The following ZCCHC7 variants were observed in gnomAD, a reference collection of about 807,000 sequenced individuals.
The protein encoded by ZCCHC7 is zinc finger CCHC domain-containing protein 7.
ZCCHC7 carries 35 observed loss-of-function variants against 52.0 expected under a neutral mutation model. The observed-to-expected ratio is 0.67, with a 90% CI of 0.51 to 0.89. The LOEUF (loss-of-function observed/expected upper bound fraction) is 0.89, where lower values mean the gene tolerates loss of function less well. Ranked by LOEUF, ZCCHC7 falls within the 40% of genes least tolerant of loss-of-function variation. ZCCHC7 has a pLI of 0.00. For synonymous variants in ZCCHC7, 217 were observed against 221.5 expected (o/e 0.98, Z 0.18); for missense variants, 574 against 649.1 (o/e 0.88, Z 1.26).
At chr9:37,184,104 C>G (rs1822516559) in intron 2 of ZCCHC7, among the ~76,000 whole-genome samples, 1 of 152,120 alleles carries the variant, frequency 6.6e-6, no homozygotes, top group Non-Finnish European at 1.5e-5. Context: ...TCAACAGTAT[C>G]TATTATGCTG....
intron 2 of ZCCHC7, among the ~76,000 whole-genome samples, chr9:37,212,524 T>C (rs1268848386): frequency 6.6e-6 from 1 of 152,180 alleles, no homozygotes; most frequent in Non-Finnish European, 1.5e-5. Context: ...TTCTCTTTCT[T>C]TTCTTTTTAG....
At chr9:37,203,563 T>C (rs1368779760) in intron 2 of ZCCHC7, among the ~76,000 whole-genome samples, 1 of 152,204 alleles carries the variant, frequency 6.6e-6, no homozygotes, top group Non-Finnish European at 1.5e-5. Flanking sequence ...GTGTTTGGTT[T>C]TCTGTGTTCC....
At chr9:37,290,886 A>C in intron 2 of ZCCHC7, among the ~76,000 whole-genome samples, 1 of 152,320 alleles carries the variant, frequency 6.6e-6, no homozygotes, top group East Asian at 1.9e-4. Context: ...TTACTTATTC[A>C]TTATTTCCAG....
At chr9:37,241,085 C>T (rs954773109) in intron 2 of ZCCHC7, among the ~76,000 whole-genome samples, 1 of 151,744 alleles carries the variant, frequency 6.6e-6, no homozygotes, top group South Asian at 2.1e-4. Context: ...TTGATATACA[C>T]AATAAGTGTG....
intron 2 of ZCCHC7, among the ~76,000 whole-genome samples, chr9:37,249,892 T>TG (rs1826244423): frequency 6.6e-6 from 1 of 152,160 alleles, no homozygotes; most frequent in Non-Finnish European, 1.5e-5. Context: ...ATGGTCCTTC[T>TG]GGGTTTGCCA....
intron 5 of ZCCHC7, among the ~76,000 whole-genome samples, chr9:37,323,503 C>T (rs754339584): frequency 5.9e-5 from 9 of 152,058 alleles, no homozygotes; most frequent in Non-Finnish European, 1.3e-4. Context: ...AGTTAAAGAC[C>T]AATGCATGGC....
At chr9:37,158,662 CT>C (rs561879667) in intron 2 of ZCCHC7, among the ~76,000 whole-genome samples, 125 of 147,890 alleles carry the variant, frequency 8.5e-4, no homozygotes, top group African/African-American at 2.6e-3. Flanking sequence ...GGTGGATTGA[CT>C]TTTTTTTTTA....
chr9:37,225,707 A>G (rs1429546626), intron 2 of ZCCHC7, among the ~76,000 whole-genome samples: 1 of 152,260 alleles, frequency 6.6e-6, no homozygotes, highest in Non-Finnish European at 1.5e-5. Context: ...ATAGATGCAG[A>G]TAAAGCATTT....
chr9:37,214,266 G>A (rs937070279), intron 2 of ZCCHC7, among the ~76,000 whole-genome samples: 1 of 152,000 alleles, frequency 6.6e-6, no homozygotes, highest in Non-Finnish European at 1.5e-5. Context: ...GAGCCATGCT[G>A]CATTAAGTTA....
At position 37,341,176 on chromosome 9, in the gene ZCCHC7, T is replaced by A. The variant is rs888632704; in HGVS notation, c.988-8181T>A. On this transcript the variant is annotated intron_variant, in intron 6 of 8. Coordinates refer to ENST00000336755, the MANE Select transcript of ZCCHC7 (RefSeq NM_032226.3). ...CTTGGCATTACTAATTCCTTCCTGATTTTGTCAGAGTATATACCACATTCT... is the reference window on the plus strand; with the variant it reads ...CTTGGCATTACTAATTCCTTCCTGAATTTGTCAGAGTATATACCACATTCT... Among the ~76,000 whole-genome samples the A allele has an allele frequency of 2.6e-5, 4 of 152,304 alleles. No homozygotes were observed. The East Asian group carries it at 7.7e-4, about 29-fold the overall frequency.
chr9:37,264,357 CT>C (rs1827001722), intron 2 of ZCCHC7, among the ~76,000 whole-genome samples: 1 of 152,252 alleles, frequency 6.6e-6, no homozygotes, highest in African/African-American at 2.4e-5. Flanking sequence ...ATTACAGTGT[CT>C]GTTAAACCAG....
At chr9:37,192,369 T>C (rs978329125) in intron 2 of ZCCHC7, among the ~76,000 whole-genome samples, 5 of 152,228 alleles carry the variant, frequency 3.3e-5, no homozygotes, top group Admixed American at 6.5e-5. Context: ...CATATTGAAT[T>C]ATTTCAGTAT....
intron 2 of ZCCHC7, among the ~76,000 whole-genome samples, chr9:37,212,659 G>A (rs1250538387): frequency 1.3e-5 from 2 of 152,146 alleles, no homozygotes; most frequent in Admixed American, 6.5e-5. Context: ...AGTCCCCATC[G>A]AACAGATCGT....
chr9:37,159,067 A>G (rs541860290), intron 2 of ZCCHC7, among the ~76,000 whole-genome samples: 35 of 152,322 alleles, frequency 2.3e-4, no homozygotes, highest in African/African-American at 8.4e-4. Context: ...TAAAGTTTAG[A>G]GATAAAAGTT....
At chr9:37,300,775 CT>C (rs1323452116) in intron 2 of ZCCHC7, among the ~76,000 whole-genome samples, 13 of 152,120 alleles carry the variant, frequency 8.5e-5, no homozygotes, top group African/African-American at 3.1e-4. Flanking sequence ...TCTTTCAGTC[CT>C]TTTGTCAACA....
In ZCCHC7 at chr9:37,164,120, C is replaced by G. The variant is rs561684413; in HGVS notation, c.610+37178C>G. 2.8e-4 allele frequency among the ~76,000 whole-genome samples: 43 copies of G among 151,650 alleles called. 1 individual carries two copies. The South Asian group carries it at 7.9e-3, about 28-fold the overall frequency. ...CAAAGTTGTTTTGGTTATTTTAGGT[C>G]CTTTGCATTTCTTTTTCTTTTTTTG... On this transcript the variant is annotated intron_variant, in intron 2 of 8. Coordinates refer to ENST00000336755, the MANE Select transcript of ZCCHC7 (RefSeq NM_032226.3).
At chr9:37,194,298 G>A (rs778587964) in intron 2 of ZCCHC7, among the ~76,000 whole-genome samples, 20 of 152,144 alleles carry the variant, frequency 1.3e-4, no homozygotes, top group Non-Finnish European at 1.8e-4. Flanking sequence ...ATGATACAGA[G>A]GTCCTATAAG....
intron 2 of ZCCHC7, among the ~76,000 whole-genome samples, chr9:37,295,158 A>G (rs1284070230): frequency 2.0e-5 from 3 of 152,122 alleles, no homozygotes; most frequent in Non-Finnish European, 4.4e-5. Flanking sequence ...GTGAGTAGGG[A>G]CTTGATGGCC....
At chr9:37,216,964 G>T (rs1164842112) in intron 2 of ZCCHC7, among the ~76,000 whole-genome samples, 1 of 152,068 alleles carries the variant, frequency 6.6e-6, no homozygotes, top group Non-Finnish European at 1.5e-5. Context: ...ACTCAAAACT[G>T]TAGGAAAATA....
Sources: gnomAD v4.1 joint callset for allele counts (sites outside exome capture counted in the v4.1 genomes callset) on GRCh38, gnomAD v4.1.1 for gene constraint, MANE v1.5 for transcripts, NCBI Gene and HGNC (gene_info 2026-07-23, HGNC 2026-07-21) for gene names.